EPC2: variants seen among roughly 807,000 people sequenced by gnomAD.
The protein encoded by EPC2 is enhancer of polycomb 2.
A neutral mutation model predicts 92.1 loss-of-function variants in EPC2; 14 were observed. The observed-to-expected ratio is 0.15, with a 90% CI of 0.10 to 0.24. EPC2 has a LOEUF of 0.24. EPC2 is among the 10% of genes least tolerant of loss of function. EPC2 has a pLI of 1.00. For missense variants in EPC2, 755 were observed against 971.5 expected, an observed-to-expected ratio of 0.78 and a Z score of 2.96; for synonymous variants, 340 against 334.7, an observed-to-expected ratio of 1.02 and a Z score of -0.17.
intron 2 of EPC2, among the ~76,000 whole-genome samples, chr2:148,696,331 A>G (rs796548350): frequency 3.9e-5 from 6 of 152,320 alleles, no homozygotes; most frequent in African/African-American, 1.4e-4. Context: ...AAAGCAAACT[A>G]ATCATTGGGT....
intron 2 of EPC2, among the ~76,000 whole-genome samples, chr2:148,724,958 T>G (rs1209886956): frequency 6.6e-6 from 1 of 152,028 alleles, no homozygotes; most frequent in Non-Finnish European, 1.5e-5. Flanking sequence ...AAATTCACCT[T>G]TATTATTAGA....
intron 3 of EPC2, 139 bp downstream of exon 3, chr2:148,743,906 G>A: frequency 1.7e-6 from 1 of 600,898 alleles, no homozygotes; most frequent in Non-Finnish European, 2.7e-6. Context: ...AATGTTCCGT[G>A]AGTGGAGAGT....
Position 148,754,073 on chromosome 2 carries a change from T to C in EPC2, c.606T>C (p.Ser202=). ...TAAAACAAGAGAAAAGAGATGGCTCTACCAACAATGACCCTTATGTTGCCT... is the reference window on the plus strand; with the variant it reads ...TAAAACAAGAGAAAAGAGATGGCTCCACCAACAATGACCCTTATGTTGCCT... ...PQIKQEKRDG[S]TNNDPYVAFR... The change falls in exon 4 of 14, where the codon TCT becomes TCC. Residue 202 remains serine (S), a synonymous_variant. Transcript: ENST00000258484. 1 of 1,611,096 alleles carries C rather than the reference T, an allele frequency of 6.2e-7. No homozygotes were observed. Among genetic ancestry groups the C allele is most frequent in the Non-Finnish European group, 8.5e-7 (1 of 1,178,636 alleles).
intron 2 of EPC2, among the ~76,000 whole-genome samples, chr2:148,735,786 A>G (rs991230790): frequency 5.9e-5 from 9 of 152,052 alleles, no homozygotes; most frequent in African/African-American, 1.9e-4. Context: ...CGTTTTCTTA[A>G]TATCATCAAA....
intron 2 of EPC2, among the ~76,000 whole-genome samples, chr2:148,694,532 C>T (rs775748899): frequency 5.3e-5 from 8 of 152,302 alleles, no homozygotes; most frequent in Non-Finnish European, 1.0e-4. Context: ...CATTAAGTTA[C>T]ATTTACTTTG....
chr2:148,745,959 A>G (rs889491952), intron 3 of EPC2, among the ~76,000 whole-genome samples: 3 of 152,034 alleles, frequency 2.0e-5, no homozygotes, highest in African/African-American at 7.2e-5. Flanking sequence ...TTCAGTCCCA[A>G]TCTGTTTATT....
intron 4 of EPC2, among the ~76,000 whole-genome samples, chr2:148,759,375 G>A (rs1024882884): frequency 6.6e-6 from 1 of 152,226 alleles, no homozygotes; most frequent in Non-Finnish European, 1.5e-5. Flanking sequence ...TTACAGGCGT[G>A]AGCCACTGCG....
chr2:148,737,071 C>T (rs1297849087), intron 2 of EPC2, among the ~76,000 whole-genome samples: 2 of 152,240 alleles, frequency 1.3e-5, no homozygotes, highest in Non-Finnish European at 2.9e-5. Flanking sequence ...GCACTCCAGC[C>T]TGGGCAGCAG....
chr2:148,739,833 C>CTTTTTTTTTTTTTTTTTTTTT (rs144868417), intron 2 of EPC2, among the ~76,000 whole-genome samples: 33 of 81,294 alleles, frequency 4.1e-4, no homozygotes, highest in African/African-American at 9.7e-4. Context: ...TCTTCTTCTT[C>CTTTTTTTTTTTTTTTTTTTTT]TTTTTTTTTT....
At chr2:148,678,848 T>C (rs376423990) in intron 1 of EPC2, among the ~76,000 whole-genome samples, 2,739 of 152,202 alleles carry the variant, frequency 0.018, 73 homozygotes, top group African/African-American at 0.061. Flanking sequence ...AGTGCAGCGG[T>C]GGGCTGAAGG....
chr2:148,676,202 G>A (rs988452669), intron 1 of EPC2, among the ~76,000 whole-genome samples: 4 of 151,706 alleles, frequency 2.6e-5, no homozygotes, highest in African/African-American at 7.3e-5. Context: ...AGTAGAAAGT[G>A]TATAATGTCT....
chr2:148,708,898 G>A (rs1235555817), intron 2 of EPC2, among the ~76,000 whole-genome samples: 1 of 152,054 alleles, frequency 6.6e-6, no homozygotes, highest in Admixed American at 6.6e-5. Flanking sequence ...ATAGTGAATG[G>A]GCAAAAACTG....
chr2:148,740,891 G>A (rs951511144), intron 2 of EPC2, among the ~76,000 whole-genome samples: 1 of 152,066 alleles, frequency 6.6e-6, no homozygotes, highest in Non-Finnish European at 1.5e-5. Flanking sequence ...GTCATTATGT[G>A]CATTTACAAA....
chr2:148,752,298 C>T (rs919364020), intron 3 of EPC2, among the ~76,000 whole-genome samples: 1 of 152,112 alleles, frequency 6.6e-6, no homozygotes, highest in African/African-American at 2.4e-5. Context: ...CCCTTGGCCT[C>T]CAGAACACAT....
At chr2:148,778,994 A>C (rs1364457109) in intron 10 of EPC2, among the ~76,000 whole-genome samples, 3 of 152,192 alleles carry the variant, frequency 2.0e-5, no homozygotes, top group African/African-American at 7.2e-5. Context: ...CCTAGGTTTA[A>C]AAAGGTTAAG....
chr2:148,705,091 T>C (rs1230272099), intron 2 of EPC2, among the ~76,000 whole-genome samples: 1 of 152,094 alleles, frequency 6.6e-6, no homozygotes, highest in Non-Finnish European at 1.5e-5. Flanking sequence ...AAATATTTCA[T>C]TGTTTATCTT....
chr2:148,769,341 A>C (rs1204970771), intron 8 of EPC2, 101 bp downstream of exon 8: 1 of 794,666 alleles, frequency 1.3e-6, no homozygotes, highest in Non-Finnish European at 2.1e-6. Flanking sequence ...GAAATGCATC[A>C]GTACTTTTTA....
intron 2 of EPC2, among the ~76,000 whole-genome samples, chr2:148,710,872 G>T (rs1487056666): frequency 6.6e-6 from 1 of 152,042 alleles, no homozygotes; most frequent in Non-Finnish European, 1.5e-5. Flanking sequence ...GGGAGGGATG[G>T]CATTAGGAGA....
At chr2:148,665,707 TACTC>T (rs1681043390) in intron 1 of EPC2, among the ~76,000 whole-genome samples, 1 of 152,212 alleles carries the variant, frequency 6.6e-6, no homozygotes, top group Non-Finnish European at 1.5e-5. Context: ...GGATATCAGT[TACTC>T]AGTCCGTTAA....
Sources: gnomAD v4.1 joint callset for allele counts (sites outside exome capture counted in the v4.1 genomes callset) on GRCh38, gnomAD v4.1.1 for gene constraint, MANE v1.5 for transcripts, NCBI Gene and HGNC (gene_info 2026-07-23, HGNC 2026-07-21) for gene names.